SYN3: variants seen among roughly 807,000 people sequenced by gnomAD.
SYN3 encodes the protein synapsin-3.
SYN3 carries 35 observed loss-of-function variants against 65.8 expected under a neutral mutation model. The ratio of observed to expected loss-of-function variants is 0.53; its 90% CI spans 0.41 to 0.70. The LOEUF (loss-of-function observed/expected upper bound fraction) is 0.70, where lower values mean the gene tolerates loss of function less well. Among genes scored for constraint, SYN3 ranks in the 30% least tolerant of loss-of-function variants. SYN3 has a pLI of 0.00. For missense variants in SYN3, 680 were observed against 749.0 expected (o/e 0.91, Z 1.08); for synonymous variants, 270 against 292.9 (o/e 0.92, Z 0.80).
At chr22:32,948,501 C>T (rs1230123477) in intron 3 of SYN3, among the ~76,000 whole-genome samples, 1 of 152,090 alleles carries the variant, frequency 6.6e-6, no homozygotes, top group East Asian at 1.9e-4. Context: ...CTTTGGGAGG[C>T]CGAGGCGGGC....
chr22:33,006,341 T>G lies in SYN3; in HGVS notation c.311+11A>C. 1 of 1,582,998 alleles carries G rather than the reference T, an allele frequency of 6.3e-7. No homozygotes were observed. ...CCCAGAAGGTGGTAGCACTTGCAAA[T>G]TCCTACTTACCAGTCTGTATGGGCA... On this transcript the variant is annotated intron_variant, in intron 2 of 13. Transcript: ENST00000358763.
At chr22:32,728,472 C>T (rs892225726) in intron 6 of SYN3, among the ~76,000 whole-genome samples, 1 of 152,232 alleles carries the variant, frequency 6.6e-6, no homozygotes, top group Non-Finnish European at 1.5e-5. Flanking sequence ...CAGACCTCTG[C>T]ATCTTGGTTA....
intron 4 of SYN3, among the ~76,000 whole-genome samples, chr22:32,917,562 C>T (rs1309464491): frequency 1.3e-5 from 2 of 152,192 alleles, no homozygotes; most frequent in African/African-American, 4.8e-5. Context: ...CAGGGCAGGA[C>T]AGGTTCTTGG....
At chr22:32,980,620 T>G in intron 3 of SYN3, 25 bp downstream of exon 3, 1 of 1,612,276 alleles carries the variant, frequency 6.2e-7, no homozygotes, top group South Asian at 1.1e-5. Flanking sequence ...CAGTTGACAG[T>G]GCTAAAGACA....
At chr22:33,050,857 G>T (rs1009539327) in intron 1 of SYN3, among the ~76,000 whole-genome samples, 1 of 152,132 alleles carries the variant, frequency 6.6e-6, no homozygotes, top group Non-Finnish European at 1.5e-5. Flanking sequence ...GCAGAGTGGG[G>T]TTAATTTTAC....
chr22:32,850,412 G>A (rs1280315398), intron 6 of SYN3, among the ~76,000 whole-genome samples: 3 of 152,078 alleles, frequency 2.0e-5, no homozygotes, highest in Non-Finnish European at 4.4e-5. Flanking sequence ...TTGTAAGGAG[G>A]AGCGGGTGGT....
At chr22:32,800,501 T>C (rs1035565443) in intron 6 of SYN3, among the ~76,000 whole-genome samples, 4 of 152,190 alleles carry the variant, frequency 2.6e-5, no homozygotes, top group Non-Finnish European at 4.4e-5. Context: ...ACAAAGATTA[T>C]TGTGAGAGCT....
intron 6 of SYN3, among the ~76,000 whole-genome samples, chr22:32,720,683 C>T (rs743744): frequency 0.21 from 31,945 of 152,164 alleles, 4,277 homozygotes; most frequent in East Asian, 0.59. Context: ...TCCATAAACC[C>T]GGCCTTGTGG....
At chr22:32,720,888 C>T (rs2089318827) in intron 6 of SYN3, among the ~76,000 whole-genome samples, 1 of 152,188 alleles carries the variant, frequency 6.6e-6, no homozygotes, top group Non-Finnish European at 1.5e-5. Context: ...GGACATTGCT[C>T]TTGCCTCTAC....
At position 32,611,141 on chromosome 22, in the gene SYN3, A is replaced by T. The variant is rs1449239036; in HGVS notation, c.712-14405T>A. Among the ~76,000 whole-genome samples the T allele has an allele frequency of 7.2e-5, 11 of 152,290 alleles. No individual in the cohort carries two copies. In the East Asian group the frequency reaches 1.3e-3, roughly 19 times the overall value. ...ACTGGGCAGCTCATGAATTTTTAAC[A>T]TTTGGGAAGAAGGAGGGTTTTCACA... On this transcript the variant is annotated intron_variant, in intron 6 of 13. Coordinates refer to ENST00000358763, the MANE Select transcript of SYN3 (RefSeq NM_003490.4).
At chr22:32,993,590 C>G (rs553522102) in intron 2 of SYN3, among the ~76,000 whole-genome samples, 1 of 152,216 alleles carries the variant, frequency 6.6e-6, no homozygotes, top group Non-Finnish European at 1.5e-5. Flanking sequence ...GTGATTCACC[C>G]GCCTTGGCCT....
chr22:32,548,949 A>G (rs1053470781), intron 7 of SYN3, among the ~76,000 whole-genome samples: 1 of 152,098 alleles, frequency 6.6e-6, no homozygotes, highest in Non-Finnish European at 1.5e-5. Flanking sequence ...TGAGGACAGG[A>G]TGAAGTTAGA....
At chr22:32,803,978 G>C (rs564287083) in intron 6 of SYN3, among the ~76,000 whole-genome samples, 2 of 152,118 alleles carry the variant, frequency 1.3e-5, no homozygotes, top group African/African-American at 4.8e-5. Flanking sequence ...GGGCCTTCCC[G>C]TCTGCTTACT....
chr22:32,801,864 G>T lies in SYN3; in HGVS notation c.711+63051C>A. Reference sequence around the variant, plus strand: ...ATCCCGTCCCGCCGGGCACTCGGAGGGCAGCGCGCCGGAGGCCAAGGTTGC... The same window carrying T: ...ATCCCGTCCCGCCGGGCACTCGGAGTGCAGCGCGCCGGAGGCCAAGGTTGC... On this transcript the variant is annotated intron_variant, in intron 6 of 13. Coordinates refer to ENST00000358763, the MANE Select transcript of SYN3 (RefSeq NM_003490.4). The surrounding 1 kb of genome is among the most constrained non-coding windows in gnomAD (Gnocchi z 4.7). 8.8e-7 allele frequency: 1 copy of T among 1,136,718 alleles called. No individual in the cohort carries two copies. Among genetic ancestry groups the T allele is most frequent in the South Asian group, 3.0e-5 (1 of 33,568 alleles). 70.4% of individuals were successfully genotyped at this position (1,136,718 alleles called of 1,614,324 possible).
At chr22:32,862,094 T>A (rs1036454716) in intron 6 of SYN3, 4 of 152,140 alleles carry the variant, frequency 2.6e-5, no homozygotes, top group African/African-American at 7.3e-5. Context: ...GCTCCTGGAG[T>A]AGGAAAAAAG....
chr22:33,010,015 C>A (rs1195438189), intron 1 of SYN3, among the ~76,000 whole-genome samples: 2 of 152,054 alleles, frequency 1.3e-5, no homozygotes, highest in East Asian at 3.9e-4. Flanking sequence ...GGTGGATCAC[C>A]TGAGGTCTGC....
At chr22:32,985,774 C>T (rs1172861136) in intron 2 of SYN3, among the ~76,000 whole-genome samples, 1 of 152,098 alleles carries the variant, frequency 6.6e-6, no homozygotes, top group Admixed American at 6.5e-5. Context: ...TCCTGTGCTT[C>T]TCTAAATACT....
Position 32,633,478 on chromosome 22 carries a change from C to T in SYN3, c.712-36742G>A, listed in dbSNP as rs181558436. On this transcript the variant is annotated intron_variant, in intron 6 of 13. Transcript: ENST00000358763. ...AATAAGGTAATATTGGATGAAGTAC[C>T]CCCAAAACAAGGTTGGTCCTACGTG... Among the ~76,000 whole-genome samples, 838 of 152,238 alleles carry T rather than the reference C, an allele frequency of 5.5e-3. 8 individuals carry two copies. Among genetic ancestry groups the T allele is most frequent in the South Asian group, 0.047 (226 of 4,818 alleles).
chr22:32,987,170 C>T (rs1331478873), intron 2 of SYN3, among the ~76,000 whole-genome samples: 1 of 152,118 alleles, frequency 6.6e-6, no homozygotes, highest in African/African-American at 2.4e-5. Context: ...GGACAGCTGT[C>T]TCTCCGCAGG....
Sources: gnomAD v4.1 joint callset for allele counts (sites outside exome capture counted in the v4.1 genomes callset) on GRCh38, gnomAD v4.1.1 for gene constraint, Gnocchi (gnomAD v3.1) non-coding constraint, MANE v1.5 for transcripts, NCBI Gene and HGNC (gene_info 2026-07-23, HGNC 2026-07-21) for gene names.